Variants in OTUD4 observed in about 807,000 individuals in gnomAD.
OTUD4 encodes the protein OTU deubiquitinase 4.
A neutral mutation model predicts 130.4 loss-of-function variants in OTUD4; 24 were observed. That is an observed-to-expected ratio of 0.18 (90% CI 0.13 to 0.26). OTUD4 has a LOEUF of 0.26. Among genes scored for constraint, OTUD4 ranks in the 10% least tolerant of loss-of-function variants. The pLI, the probability that OTUD4 is intolerant of heterozygous loss-of-function variation, is 1.00. For missense variants in OTUD4, 1,031 were observed against 1,329.4 expected, an observed-to-expected ratio of 0.78 and a Z score of 3.49; for synonymous variants, 420 against 472.5, an observed-to-expected ratio of 0.89 and a Z score of 1.44.
At chr4:145,174,141 G>A (rs1325992855) in intron 2 of OTUD4, among the ~76,000 whole-genome samples, 1 of 152,002 alleles carries the variant, frequency 6.6e-6, no homozygotes, top group Non-Finnish European at 1.5e-5. Flanking sequence ...AGAGTAGCTG[G>A]GACTCAGGCA....
At chr4:145,174,537 T>A in intron 2 of OTUD4, 124 bp downstream of exon 2, 2 of 602,854 alleles carry the variant, frequency 3.3e-6, no homozygotes, top group East Asian at 2.8e-5. Context: ...GAAGTTTTTT[T>A]AATAAGTGTT....
Position 145,137,536 on chromosome 4 carries a change from C to A in OTUD4, c.3239G>T (p.Ser1080Ile). ...EESWKGQPSRSRDEGYQYHRN... is the reference protein window; with the variant it reads ...EESWKGQPSRIRDEGYQYHRN... ...ATGGTACTGATAACCTTCATCCCGA[C>A]TTCTGCTTGGCTGTCCTTTCCAGGA... Residue 1080 changes from serine (S) to isoleucine (I), a missense_variant, in exon 21 of 21, where the codon AGT (serine) becomes ATT (isoleucine). Physicochemically the swap from Ser to Ile is moderately radical, Grantham distance 142. Coordinates refer to ENST00000447906, the MANE Select transcript of OTUD4 (RefSeq NM_001366057.1). 1 of 1,613,048 alleles carries A rather than the reference C, an allele frequency of 6.2e-7. No homozygotes were observed. Among genetic ancestry groups the A allele is most frequent in the Non-Finnish European group, 8.5e-7 (1 of 1,179,522 alleles).
At chr4:145,142,057 C>G (rs1750591914) in intron 18 of OTUD4, 139 bp downstream of exon 18, 2 of 729,862 alleles carry the variant, frequency 2.7e-6, no homozygotes, top group African/African-American at 1.8e-5. Context: ...GGAAGCAGAG[C>G]AAAGCAGAGT....
chr4:145,137,327 G>T lies in OTUD4; in HGVS notation c.*103C>A. 1 of 957,182 alleles carries T rather than the reference G, an allele frequency of 1.0e-6. No individual in the cohort carries two copies. The highest frequency in any genetic ancestry group is 1.6e-6 in the Non-Finnish European group (1 of 631,052). The allele number at this position is 957,182 out of a possible 1,614,324, so 59.3% of individuals were successfully genotyped here. A position where few individuals can be genotyped will look rare whatever the true frequency, so the allele number is the denominator to read the frequency against. On this transcript the variant is annotated 3_prime_UTR_variant, in exon 21 of 21. Transcript: ENST00000447906. ...TGAAGGTAAGGGGGGCTGGGGAGAG[G>T]AAAGAGTTCCAACTGCGGTTTTTAC...
intron 13 of OTUD4, among the ~76,000 whole-genome samples, chr4:145,147,041 G>T (rs568329639): frequency 6.6e-6 from 1 of 152,306 alleles, no homozygotes; most frequent in African/African-American, 2.4e-5. Context: ...AGGATGACAA[G>T]AAATTAATGA....
At chr4:145,138,675 T>C in intron 20 of OTUD4, 25 bp from the exon 21 acceptor site, 5 of 1,564,716 alleles carry the variant, frequency 3.2e-6, no homozygotes, top group Non-Finnish European at 4.3e-6. Context: ...AACAGTTAAA[T>C]AAACAAAAGA....
intron 6 of OTUD4, among the ~76,000 whole-genome samples, chr4:145,161,707 C>T (rs972605753): frequency 3.3e-5 from 5 of 152,146 alleles, no homozygotes; most frequent in African/African-American, 1.2e-4. Context: ...TGCTACTTAA[C>T]ATTCTGAAGT....
In OTUD4 at chr4:145,142,304, G is replaced by T. The variant is rs1750602006; in HGVS notation, c.1714C>A (p.Pro572Thr). The change falls in exon 18 of 21, where the codon CCA becomes ACA. Residue 572 changes from proline to threonine, a missense_variant. This residue lies in a region of OTUD4 where 900 missense variants were observed against 1,095.9 expected (regional missense o/e 0.82). Coordinates refer to ENST00000447906, the MANE Select transcript of OTUD4 (RefSeq NM_001366057.1). ...KPAEHVSLSN[P>T]APLLVSPEVH... ...TCTGGAGAAACTAGAAGGGGAGCTG[G>T]ATTTGACAAAGACACATGTTCTGCT... 6.2e-7 allele frequency: 1 copy of T among 1,613,872 alleles called. No homozygotes were observed. Among genetic ancestry groups the T allele is most frequent in the Non-Finnish European group, 8.5e-7 (1 of 1,179,882 alleles).
At position 145,171,656 on chromosome 4, in the gene OTUD4, A is replaced by C; in HGVS notation, c.294+14T>G. The C allele has an allele frequency of 8.8e-7, 1 of 1,137,704 alleles. No homozygotes were observed. Among genetic ancestry groups the C allele is most frequent in the East Asian group, 2.4e-5 (1 of 42,552 alleles). The allele number at this position is 1,137,704 out of a possible 1,614,324, so 70.5% of individuals were successfully genotyped here. On this transcript the variant is annotated intron_variant, in intron 3 of 20. Coordinates refer to ENST00000447906, the MANE Select transcript of OTUD4 (RefSeq NM_001366057.1). Reference sequence around the variant, plus strand: ...TATATAAAAATAGAAATATACTAGAAGACTGTGACATACCTGTGGATTTTC... The same window carrying C: ...TATATAAAAATAGAAATATACTAGACGACTGTGACATACCTGTGGATTTTC...
At chr4:145,173,265 G>C (rs1031154914) in intron 2 of OTUD4, among the ~76,000 whole-genome samples, 14 of 152,174 alleles carry the variant, frequency 9.2e-5, no homozygotes, top group Non-Finnish European at 1.3e-4. Flanking sequence ...ATGGTGCCAG[G>C]CACCTGTAGA....
Position 145,140,981 on chromosome 4 carries a change from C to G in OTUD4, c.2083+398G>C, listed in dbSNP as rs139354400. On this transcript the variant is annotated intron_variant, in intron 19 of 20. Transcript: ENST00000447906. Reference sequence around the variant, plus strand: ...GAGATCGAGACCATCCTGGCTAACACGGTGAAACCCCGTCTCTACTAAAAA... The same window carrying G: ...GAGATCGAGACCATCCTGGCTAACAGGGTGAAACCCCGTCTCTACTAAAAA... Among the ~76,000 whole-genome samples, 227 of 151,866 alleles carry G rather than the reference C, an allele frequency of 1.5e-3. 1 individual carries two copies. The highest frequency in any genetic ancestry group is 5.1e-3 in the African/African-American group (213 of 41,430).
chr4:145,160,714 G>A (rs1007934295), intron 6 of OTUD4, among the ~76,000 whole-genome samples: 6 of 152,162 alleles, frequency 3.9e-5, no homozygotes, highest in Non-Finnish European at 7.3e-5. Flanking sequence ...GCAGGAGGCC[G>A]AGGCAGCAGA....
chr4:145,180,040 T>G lies in OTUD4; in HGVS notation c.-67A>C. ...CCCACATGGCCAGGCCGCCGGCTGC[T>G]CGACGCCCCGGCCTGGGGCAGGCGG... On this transcript the variant is annotated 5_prime_UTR_variant, in exon 1 of 21. Transcript: ENST00000447906. 1 of 1,238,648 alleles carries G rather than the reference T, an allele frequency of 8.1e-7. No homozygotes were observed. The highest frequency in any genetic ancestry group is 1.6e-5 in the African/African-American group (1 of 62,240). 76.7% of individuals were successfully genotyped at this position (1,238,648 alleles called of 1,614,324 possible).
rs764131969 is a variant in OTUD4, at chr4:145,155,490, AAG to A, written c.809-17_809-16del. 6.8e-6 allele frequency: 11 copies of A among 1,607,148 alleles called. No homozygotes were observed. Among genetic ancestry groups the A allele is most frequent in the Non-Finnish European group, 9.3e-6 (11 of 1,177,364 alleles). ...TTTTTGCTGAGCTGTTAAAAAAAAA[AAG>A]GTCAGTATAATATAAAGTTGACTTA... On this transcript the variant is annotated splice_polypyrimidine_tract_variant and intron_variant, in intron 9 of 20. Transcript: ENST00000447906.
Position 145,152,530 on chromosome 4 carries a change from G to T in OTUD4, c.968+11C>A. 1 of 1,452,394 alleles carries T rather than the reference G, an allele frequency of 6.9e-7. No individual in the cohort carries two copies. The highest frequency in any genetic ancestry group is 9.6e-7 in the Non-Finnish European group (1 of 1,036,404). 90.0% of individuals were successfully genotyped at this position (1,452,394 alleles called of 1,614,324 possible). A position where few individuals can be genotyped will look rare whatever the true frequency, so the allele number is the denominator to read the frequency against. On this transcript the variant is annotated intron_variant, in intron 11 of 20. Coordinates refer to ENST00000447906, the MANE Select transcript of OTUD4 (RefSeq NM_001366057.1). ...AGGCAGTAAATGCCTTAGCTGAAGA[G>T]TAGTACATACTTCTTTCCCAGTTCT...
At position 145,138,303 on chromosome 4, in the gene OTUD4, A is replaced by G. The variant is rs369415864; in HGVS notation, c.2472T>C (p.His824=). ...CACTTAGTGACTCTTCATAATCAGC[A>G]TGCAGAAGCTGCCCAGGGGTCTCAG... ...LESETPGQLL[H]ADYEESLSGK... Residue 824 remains histidine (H), a synonymous_variant, in exon 21 of 21, where the codon CAT becomes CAC. Transcript: ENST00000447906. 1.9e-4 allele frequency: 313 copies of G among 1,614,118 alleles called. 2 individuals are homozygous for G. The South Asian group carries it at 2.5e-3, about 13-fold the overall frequency.
chr4:145,165,317 G>C (rs750798840), intron 3 of OTUD4, 120 bp from the exon 4 acceptor site: 3 of 578,574 alleles, frequency 5.2e-6, no homozygotes, highest in Non-Finnish European at 9.3e-6. Context: ...ATTATTATTA[G>C]TAGTATTGTG....
intron 17 of OTUD4, among the ~76,000 whole-genome samples, chr4:145,142,677 G>A (rs1019305596): frequency 6.6e-6 from 1 of 152,200 alleles, no homozygotes; most frequent in African/African-American, 2.4e-5. Context: ...GTGAGCCACC[G>A]CACCTATCCA....
chr4:145,174,541 A>T (rs1188830271), intron 2 of OTUD4, 120 bp downstream of exon 2: 4 of 608,840 alleles, frequency 6.6e-6, no homozygotes, highest in Admixed American at 2.8e-5. Flanking sequence ...TTTTTTTAAT[A>T]AGTGTTATTT....
Sources: gnomAD v4.1 joint callset for allele counts (sites outside exome capture counted in the v4.1 genomes callset) on GRCh38, gnomAD v4.1.1 for gene constraint, gnomAD v4.1.1 regional missense constraint, MANE v1.5 for transcripts, NCBI Gene and HGNC (gene_info 2026-07-23, HGNC 2026-07-21) for gene names.